The following FRMD5 variants were observed in gnomAD, a reference collection of about 807,000 sequenced individuals.
FRMD5 encodes FERM domain containing 5, also known as FERM domain-containing protein 5.
FRMD5 carries 20 observed loss-of-function variants against 69.0 expected under a neutral mutation model. The ratio of observed to expected loss-of-function variants is 0.29; its 90% CI spans 0.20 to 0.42. The LOEUF (loss-of-function observed/expected upper bound fraction) is 0.42. FRMD5 is among the 10% of genes least tolerant of loss of function. The probability of loss-of-function intolerance (pLI) is 1.00; values close to 1 mark genes in which losing one functional copy is unlikely to be tolerated. For synonymous variants in FRMD5, 271 were observed against 260.1 expected (o/e 1.04, Z -0.40); for missense variants, 595 against 708.6 (o/e 0.84, Z 1.82).
chr15:44,010,328 C>G (rs1238002728), intron 1 of FRMD5, among the ~76,000 whole-genome samples: 1 of 152,046 alleles, frequency 6.6e-6, no homozygotes, highest in Non-Finnish European at 1.5e-5. Flanking sequence ...CAGAAGCTCT[C>G]TAGGATTACA....
intron 1 of FRMD5, among the ~76,000 whole-genome samples, chr15:44,134,124 T>C (rs1566963836): frequency 1.3e-5 from 2 of 151,754 alleles, no homozygotes; most frequent in East Asian, 3.9e-4. Flanking sequence ...GCAAATACTT[T>C]GTTTTTTTTT....
chr15:44,097,839 T>G (rs2076575520), intron 1 of FRMD5, among the ~76,000 whole-genome samples: 1 of 152,192 alleles, frequency 6.6e-6, no homozygotes, highest in Admixed American at 6.5e-5. Context: ...AATAGCAGCC[T>G]GACAAACTGT....
chr15:43,873,544 AAATT>A lies in FRMD5; in HGVS notation c.*337_*340del, dbSNP rs1301801970. ...CTGCAATAATCAGTAATAGTAAAAT[AAATT>A]ATTTTTATTTGATACTTCAAAATAA... On this transcript the variant is annotated 3_prime_UTR_variant, in exon 14 of 14. Coordinates refer to ENST00000417257, the MANE Select transcript of FRMD5 (RefSeq NM_032892.5). The A allele has an allele frequency of 2.9e-6, 4 of 1,391,320 alleles. No individual in the cohort carries two copies. Among genetic ancestry groups the A allele is most frequent in the Non-Finnish European group, 3.7e-6 (4 of 1,072,476 alleles). 86.2% of individuals were successfully genotyped at this position (1,391,320 alleles called of 1,614,324 possible).
At chr15:44,161,778 C>A (rs111479532) in intron 1 of FRMD5, among the ~76,000 whole-genome samples, 1 of 152,086 alleles carries the variant, frequency 6.6e-6, no homozygotes, top group Non-Finnish European at 1.5e-5. Context: ...CTTACTATAC[C>A]GTATCTTCCT....
rs141084073 is a variant in FRMD5, at chr15:43,984,406, C to T, written c.103-60097G>A. On this transcript the variant is annotated intron_variant, in intron 1 of 13. Transcript: ENST00000417257. ...TACCTAAGCCCCCAGTGGACAGCAG[C>T]TTAGGCACCAGTGGGCAGGCACAGA... Among the ~76,000 whole-genome samples, 1,177 of 152,344 alleles carry T rather than the reference C, an allele frequency of 7.7e-3. 15 individuals carry two copies. Among genetic ancestry groups the T allele is most frequent in the African/African-American group, 0.027 (1,122 of 41,574 alleles).
At chr15:44,164,444 T>C (rs1338293515) in intron 1 of FRMD5, among the ~76,000 whole-genome samples, 1 of 152,072 alleles carries the variant, frequency 6.6e-6, no homozygotes, top group Non-Finnish European at 1.5e-5. Flanking sequence ...AGGGACCACA[T>C]AGAAGATAGA....
At chr15:44,040,026 C>A (rs1302895132) in intron 1 of FRMD5, among the ~76,000 whole-genome samples, 1 of 151,710 alleles carries the variant, frequency 6.6e-6, no homozygotes, top group East Asian at 1.9e-4. Context: ...GTGCATGAAG[C>A]ATATACAAGC....
intron 1 of FRMD5, among the ~76,000 whole-genome samples, chr15:43,996,438 C>T (rs960832920): frequency 2.6e-5 from 4 of 152,148 alleles, no homozygotes; most frequent in African/African-American, 7.2e-5. Context: ...ACGAGGGTAA[C>T]GTAAAACTGT....
In FRMD5 at chr15:43,940,345, G is replaced by A. The variant is rs766915950; in HGVS notation, c.103-16036C>T. On this transcript the variant is annotated intron_variant, in intron 1 of 13. Coordinates refer to ENST00000417257, the MANE Select transcript of FRMD5 (RefSeq NM_032892.5). ...CCTATTTCTTGTGCCCATTCTTCCC[G>A]CCCAGGGAGACTCTAGAGATGAGAA... Among the ~76,000 whole-genome samples the A allele has an allele frequency of 5.3e-5, 8 of 152,058 alleles. No homozygotes were observed. The East Asian group carries it at 5.8e-4, about 11-fold the overall frequency.
intron 1 of FRMD5, among the ~76,000 whole-genome samples, chr15:44,072,290 A>T (rs553155961): frequency 2.5e-4 from 38 of 152,332 alleles, no homozygotes; most frequent in Non-Finnish European, 2.1e-4. Flanking sequence ...GTTTCTAAGT[A>T]TGACGTACAA....
rs768936248 is a variant in FRMD5 at position 43,873,845 on chromosome 15, T to A, written c.*40A>T. On this transcript the variant is annotated 3_prime_UTR_variant, in exon 14 of 14. Coordinates refer to ENST00000417257, the MANE Select transcript of FRMD5 (RefSeq NM_032892.5). ...TGCTGGGAATGGGTAGCCGGGTTCC[T>A]TGGTCCACCTGGCTAGTTTTTGGGA... The A allele has an allele frequency of 1.9e-6, 3 of 1,605,638 alleles. No individual in the cohort carries two copies. In the South Asian group the frequency reaches 3.3e-5, roughly 18 times the overall value.
At chr15:43,927,913 C>A (rs1235259070) in intron 1 of FRMD5, among the ~76,000 whole-genome samples, 1 of 152,068 alleles carries the variant, frequency 6.6e-6, no homozygotes, top group Admixed American at 6.5e-5. Flanking sequence ...AAGAATCCTG[C>A]CTTTCATAAA....
chr15:43,933,133 A>G (rs2089703658), intron 1 of FRMD5, among the ~76,000 whole-genome samples: 1 of 152,188 alleles, frequency 6.6e-6, no homozygotes, highest in Admixed American at 6.5e-5. Context: ...TGGGGCCCAG[A>G]GCCAGACAGA....
At chr15:43,979,553 T>A (rs1025138829) in intron 1 of FRMD5, among the ~76,000 whole-genome samples, 95 of 152,266 alleles carry the variant, frequency 6.2e-4, no homozygotes, top group African/African-American at 2.2e-3. Context: ...TTATTCCTCA[T>A]GAATTGGATG....
chr15:44,034,824 A>G (rs1891837655), intron 1 of FRMD5, among the ~76,000 whole-genome samples: 1 of 152,172 alleles, frequency 6.6e-6, no homozygotes, highest in Admixed American at 6.5e-5. Flanking sequence ...TGAGTTCTAC[A>G]TGAGGCTCAT....
At chr15:44,010,871 C>T (rs1890686892) in intron 1 of FRMD5, among the ~76,000 whole-genome samples, 1 of 151,604 alleles carries the variant, frequency 6.6e-6, no homozygotes, top group Non-Finnish European at 1.5e-5. Flanking sequence ...CTTCATTACT[C>T]AACGTTAAAA....
At chr15:44,098,404 A>T (rs914888014) in intron 1 of FRMD5, among the ~76,000 whole-genome samples, 2 of 151,982 alleles carry the variant, frequency 1.3e-5, no homozygotes, top group African/African-American at 4.8e-5. Flanking sequence ...GCATGCCTGT[A>T]GTCCCAGCTA....
Position 43,969,606 on chromosome 15 carries a change from G to T in FRMD5, c.103-45297C>A, listed in dbSNP as rs546938264. 8.5e-5 allele frequency among the ~76,000 whole-genome samples: 13 copies of T among 152,184 alleles called. No homozygotes were observed. In the South Asian group the frequency reaches 2.7e-3, roughly 32 times the overall value. ...CTATATATAAATATTGCAATCTTTT[G>T]ATTCCCAAAAATTGTCACATACACT... On this transcript the variant is annotated intron_variant, in intron 1 of 13. Transcript: ENST00000417257.
At chr15:43,989,916 G>A in intron 1 of FRMD5, 1 of 1,146,126 alleles carries the variant, frequency 8.7e-7, no homozygotes, top group Non-Finnish European at 1.3e-6. Context: ...CGTTGTAGAA[G>A]GTGTGGTGCC....
Sources: gnomAD v4.1 joint callset for allele counts (sites outside exome capture counted in the v4.1 genomes callset) on GRCh38, gnomAD v4.1.1 for gene constraint, MANE v1.5 for transcripts, NCBI Gene and HGNC (gene_info 2026-07-23, HGNC 2026-07-21) for gene names.